Variants in MYLK observed in about 807,000 individuals in gnomAD.
The protein encoded by MYLK is myosin light chain kinase, also known as myosin light chain kinase, smooth muscle.
A neutral mutation model predicts 203.4 loss-of-function variants in MYLK; 106 were observed. The observed-to-expected ratio is 0.52, with a 90% CI of 0.45 to 0.61. MYLK has a LOEUF of 0.61. Among genes scored for constraint, MYLK ranks in the 20% least tolerant of loss-of-function variants. The pLI is 0.00. For missense variants in MYLK, 2,072 were observed against 2,442.3 expected, an observed-to-expected ratio of 0.85 and a Z score of 3.20; for synonymous variants, 867 against 959.5, an observed-to-expected ratio of 0.90 and a Z score of 1.78.
intron 23 of MYLK, among the ~76,000 whole-genome samples, chr3:123,662,857 G>A (rs2059609334): frequency 6.6e-6 from 1 of 152,218 alleles, no homozygotes; most frequent in South Asian, 2.1e-4. Flanking sequence ...CCAAGGCCAG[G>A]TCATGAGTTC....
intron 19 of MYLK, among the ~76,000 whole-genome samples, chr3:123,684,660 C>T (rs1286333788): frequency 6.6e-6 from 1 of 152,140 alleles, no homozygotes; most frequent in African/African-American, 2.4e-5. Flanking sequence ...GATTCTCATG[C>T]CTCAGCCTCC....
At chr3:123,734,991 C>A in intron 9 of MYLK, 1 of 320,284 alleles carries the variant, frequency 3.1e-6, no homozygotes, top group South Asian at 2.9e-5. Context: ...CCTCTACGCC[C>A]ACCCCTGCAC....
chr3:123,755,802 T>C (rs74755053), intron 4 of MYLK, among the ~76,000 whole-genome samples: 4,312 of 152,170 alleles, frequency 0.028, 200 homozygotes, highest in African/African-American at 0.096. Flanking sequence ...GTAAAAACTC[T>C]TTGGTCCTGT....
At chr3:123,685,062 C>T (rs1171905879) in intron 19 of MYLK, among the ~76,000 whole-genome samples, 3 of 152,228 alleles carry the variant, frequency 2.0e-5, no homozygotes, top group Admixed American at 6.5e-5. Flanking sequence ...AGACTCCTTT[C>T]GTCCTCATGG....
At chr3:123,711,131 G>A (rs2061675659) in intron 13 of MYLK, among the ~76,000 whole-genome samples, 1 of 152,030 alleles carries the variant, frequency 6.6e-6, no homozygotes, top group Admixed American at 6.6e-5. Context: ...GTGCATGTTG[G>A]ATGACTCCAT....
intron 11 of MYLK, among the ~76,000 whole-genome samples, chr3:123,730,458 T>C (rs142377220): frequency 0.013 from 1,923 of 152,316 alleles, 67 homozygotes; most frequent in South Asian, 0.1. Flanking sequence ...TAAATGTGCA[T>C]AGCAACACTT....
intron 2 of MYLK, among the ~76,000 whole-genome samples, chr3:123,833,538 G>A (rs1293268999): frequency 7.2e-5 from 11 of 152,024 alleles, no homozygotes; most frequent in Non-Finnish European, 1.3e-4. Flanking sequence ...CCATGCACAC[G>A]GGAGGCCCCT....
At chr3:123,828,440 A>G (rs1423711348) in intron 3 of MYLK, among the ~76,000 whole-genome samples, 1 of 152,184 alleles carries the variant, frequency 6.6e-6, no homozygotes, top group African/African-American at 2.4e-5. Context: ...CGCTCATCCT[A>G]TACAAAAATC....
intron 3 of MYLK, among the ~76,000 whole-genome samples, chr3:123,820,372 G>T (rs1176095065): frequency 3.3e-5 from 5 of 152,132 alleles, no homozygotes; most frequent in African/African-American, 1.2e-4. Context: ...ATAAGGTTAT[G>T]GAAATGCCTA....
At chr3:123,849,697 G>C (rs1577119270) in intron 2 of MYLK, among the ~76,000 whole-genome samples, 1 of 152,200 alleles carries the variant, frequency 6.6e-6, no homozygotes, top group South Asian at 2.1e-4. Context: ...TGAAACTAAA[G>C]CTTGCAGTAA....
chr3:123,649,334 C>A lies in MYLK; in HGVS notation c.4289-140G>T, dbSNP rs2059130555. The A allele has an allele frequency of 2.7e-6, 3 of 1,103,660 alleles. No homozygotes were observed. The East Asian group carries it at 7.6e-5, about 28-fold the overall frequency. The allele number at this position is 1,103,660 out of a possible 1,614,324, so 68.4% of individuals were successfully genotyped here. Reference sequence around the variant, plus strand: ...TACCAGGTCCAGAGCTCTGGGCATCCCCTGGGGCTGGTCAGTCCATATAGC... The same window carrying A: ...TACCAGGTCCAGAGCTCTGGGCATCACCTGGGGCTGGTCAGTCCATATAGC... On this transcript the variant is annotated intron_variant, in intron 24 of 33. Coordinates refer to ENST00000360304, the MANE Select transcript of MYLK (RefSeq NM_053025.4).
intron 3 of MYLK, among the ~76,000 whole-genome samples, chr3:123,798,349 G>T (rs1327967267): frequency 2.6e-5 from 4 of 152,134 alleles, no homozygotes; most frequent in Non-Finnish European, 5.9e-5. Context: ...ATAGGCAGAG[G>T]GTTGGGAGTT....
chr3:123,635,400 C>T (rs1296086565), intron 29 of MYLK, among the ~76,000 whole-genome samples: 1 of 152,250 alleles, frequency 6.6e-6, no homozygotes, highest in Non-Finnish European at 1.5e-5. Context: ...CCCTGACTTC[C>T]ATCCATGCTG....
intron 13 of MYLK, among the ~76,000 whole-genome samples, chr3:123,712,560 A>C (rs1397784822): frequency 6.6e-6 from 1 of 152,192 alleles, no homozygotes; most frequent in Non-Finnish European, 1.5e-5. Flanking sequence ...TGGCAAAGCC[A>C]AGTCACCCTG....
chr3:123,766,341 C>G (rs1272108198), intron 4 of MYLK, among the ~76,000 whole-genome samples: 2 of 152,242 alleles, frequency 1.3e-5, no homozygotes, highest in Non-Finnish European at 2.9e-5. Flanking sequence ...AGGCTCCAGG[C>G]CGCCCAGAAG....
intron 3 of MYLK, among the ~76,000 whole-genome samples, chr3:123,795,852 T>C (rs992308783): frequency 1.8e-4 from 28 of 152,266 alleles, no homozygotes; most frequent in African/African-American, 5.5e-4. Context: ...AGTCCTATGC[T>C]GTGAGTCAGG....
At chr3:123,683,462 G>T (rs577314332) in intron 19 of MYLK, among the ~76,000 whole-genome samples, 18 of 152,062 alleles carry the variant, frequency 1.2e-4, no homozygotes, top group Non-Finnish European at 2.5e-4. Flanking sequence ...AGAACTGGGG[G>T]CTGGGAACAT....
intron 33 of MYLK, chr3:123,617,483 T>C (rs930408160): frequency 3.3e-5 from 5 of 152,224 alleles, no homozygotes; most frequent in African/African-American, 4.8e-5. Flanking sequence ...AGGCGAAGCA[T>C]TGATAAGGCA....
intron 4 of MYLK, among the ~76,000 whole-genome samples, chr3:123,762,034 T>TAC (rs2063551897): frequency 6.6e-6 from 1 of 151,842 alleles, no homozygotes; most frequent in Non-Finnish European, 1.5e-5. Context: ...CCTCAAAAAA[T>TAC]ATATATATTT....
Sources: allele counts gnomAD v4.1 joint callset (sites outside exome capture counted in the v4.1 genomes callset), GRCh38; gene constraint gnomAD v4.1.1; transcripts MANE v1.5; gene names NCBI Gene and HGNC (gene_info 2026-07-23, HGNC 2026-07-21).